The following MCTP1 variants were observed in gnomAD, a reference collection of about 807,000 sequenced individuals.
The protein encoded by MCTP1 is multiple C2 and transmembrane domain-containing protein 1.
Under a neutral mutation model 120.6 loss-of-function variants are expected in MCTP1, and 69 were observed. That is an observed-to-expected ratio of 0.57 (90% CI 0.47 to 0.70). The LOEUF is 0.70. MCTP1 is among the 30% of genes least tolerant of loss of function. The pLI, the probability that MCTP1 is intolerant of heterozygous loss-of-function variation, is 0.00. For missense variants in MCTP1, 1,203 were observed against 1,248.8 expected (o/e 0.96, Z 0.55); for synonymous variants, 529 against 493.1 (o/e 1.07, Z -0.96).
intron 17 of MCTP1, among the ~76,000 whole-genome samples, chr5:94,824,555 T>C (rs1417844048): frequency 6.6e-6 from 1 of 152,216 alleles, no homozygotes; most frequent in Admixed American, 6.5e-5. Context: ...CCTCATAAAA[T>C]GAGTTTGGGA....
At chr5:94,947,542 TGTTA>T (rs1008148147) in intron 3 of MCTP1, among the ~76,000 whole-genome samples, 8 of 109,590 alleles carry the variant, frequency 7.3e-5, no homozygotes, top group African/African-American at 2.8e-4. Context: ...AATATTTTAG[TGTTA>T]GTTTACTAAA....
At chr5:94,952,980 G>A (rs959571586) in intron 3 of MCTP1, among the ~76,000 whole-genome samples, 1 of 152,164 alleles carries the variant, frequency 6.6e-6, no homozygotes, top group African/African-American at 2.4e-5. Flanking sequence ...CCAAGCACAA[G>A]GGATACACTT....
Position 94,888,900 on chromosome 5 carries a change from A to G in MCTP1, c.1912T>C (p.Leu638=). ...TTACCAGTGACGTCGGCAGCCATTA[A>G]CCCTTCCGCTCTGATGACTTTCACC... ...LQVKVIRAEG[L]MAADVTGKSD... is the part of the protein sequence containing the mutation. The change falls in exon 12 of 23, where the codon TTA becomes CTA. Residue 638 remains leucine (L), a synonymous_variant. Coordinates refer to ENST00000515393, the MANE Select transcript of MCTP1 (RefSeq NM_024717.7). The G allele has an allele frequency of 6.2e-7, 1 of 1,613,186 alleles. No individual in the cohort carries two copies. Among genetic ancestry groups the G allele is most frequent in the Non-Finnish European group, 8.5e-7 (1 of 1,179,230 alleles).
intron 1 of MCTP1, among the ~76,000 whole-genome samples, chr5:95,026,700 G>A (rs1319774277): frequency 6.6e-6 from 1 of 152,076 alleles, no homozygotes; most frequent in African/African-American, 2.4e-5. Flanking sequence ...GGCTTCTAGG[G>A]AATTTCCTGG....
intron 19 of MCTP1, among the ~76,000 whole-genome samples, chr5:94,727,456 G>A (rs192476252): frequency 4.9e-4 from 75 of 152,254 alleles, no homozygotes; most frequent in African/African-American, 1.7e-3. Context: ...AAGATGGACT[G>A]TGACTGGAAT....
chr5:94,825,894 A>G (rs56299408), intron 17 of MCTP1: 2 of 156,478 alleles, frequency 1.3e-5, no homozygotes, highest in African/African-American at 2.6e-5. Flanking sequence ...TTTTTTTTTC[A>G]ATTTGAGAGC....
chr5:95,117,390 CAAAAAAAAAAAAA>C (rs34952779), intron 1 of MCTP1, among the ~76,000 whole-genome samples: 2 of 66,106 alleles, frequency 3.0e-5, no homozygotes, highest in African/African-American at 1.3e-4. Context: ...GACTCCGTCT[CAAAAAAAAAAAAA>C]AAAAAAAAAA....
chr5:94,970,902 T>C (rs1826702919), intron 2 of MCTP1, among the ~76,000 whole-genome samples: 1 of 151,916 alleles, frequency 6.6e-6, no homozygotes. Context: ...TTTCCTTGAG[T>C]GTCACCAATA....
At chr5:94,710,134 T>A (rs1026292077) in intron 21 of MCTP1, 1 of 152,072 alleles carries the variant, frequency 6.6e-6, no homozygotes, top group East Asian at 1.9e-4. Context: ...GACTGAAAAT[T>A]GTTTTCCAAA....
At chr5:95,058,322 A>G (rs1264229203) in intron 1 of MCTP1, among the ~76,000 whole-genome samples, 1 of 152,270 alleles carries the variant, frequency 6.6e-6, no homozygotes, top group African/African-American at 2.4e-5. Context: ...TTTAAAACAT[A>G]AAACATTTAA....
Position 94,818,066 on chromosome 5 carries a change from A to G in MCTP1, c.2437-18934T>C, listed in dbSNP as rs370015589. On this transcript the variant is annotated intron_variant, in intron 17 of 22. Transcript: ENST00000515393. ...TGTGGGTCTTTGGGATTACAGCAAA[A>G]AAGAATCTTTTTTCCCCTGAACAAA... Among the ~76,000 whole-genome samples the G allele has an allele frequency of 3.3e-5, 5 of 152,310 alleles. No homozygotes were observed. In the East Asian group the frequency reaches 5.8e-4, roughly 18 times the overall value.
At chr5:94,766,219 C>T (rs762176606) in intron 19 of MCTP1, among the ~76,000 whole-genome samples, 37 of 152,116 alleles carry the variant, frequency 2.4e-4, no homozygotes, top group Admixed American at 3.9e-4. Flanking sequence ...TGCACTCTAG[C>T]GAGGGCGAGA....
At chr5:95,034,669 T>C (rs983305089) in intron 1 of MCTP1, among the ~76,000 whole-genome samples, 2 of 151,648 alleles carry the variant, frequency 1.3e-5, no homozygotes, top group African/African-American at 4.8e-5. Context: ...CTTATGCAAA[T>C]AATTTAAGGT....
chr5:94,734,816 T>C (rs1313320685), intron 19 of MCTP1, among the ~76,000 whole-genome samples: 1 of 152,046 alleles, frequency 6.6e-6, no homozygotes, highest in Non-Finnish European at 1.5e-5. Flanking sequence ...TTTCCATGCT[T>C]TTTTTTCTTA....
intron 17 of MCTP1, 161 bp downstream of exon 17, chr5:94,868,172 T>C (rs1797176103): frequency 1.9e-6 from 1 of 537,344 alleles, no homozygotes; most frequent in South Asian, 5.8e-5. Context: ...CCTTGTACAA[T>C]CCATCAGGTT....
At chr5:94,927,844 T>TA (rs1366840486) in intron 6 of MCTP1, among the ~76,000 whole-genome samples, 2 of 152,146 alleles carry the variant, frequency 1.3e-5, no homozygotes, top group Non-Finnish European at 2.9e-5. Context: ...CCAAAAGTCT[T>TA]ATTAAAAATT....
At chr5:95,100,636 A>T (rs1268803908) in intron 1 of MCTP1, among the ~76,000 whole-genome samples, 1 of 152,192 alleles carries the variant, frequency 6.6e-6, no homozygotes, top group Non-Finnish European at 1.5e-5. Context: ...ATTATCCCTG[A>T]CACTTCTGTT....
intron 1 of MCTP1, among the ~76,000 whole-genome samples, chr5:95,227,566 TATAGGAATC>T (rs1754424752): frequency 6.6e-6 from 1 of 152,176 alleles, no homozygotes; most frequent in Non-Finnish European, 1.5e-5. Flanking sequence ...AAGGCAACTT[TATAGGAATC>T]ATAGGAATCA....
At chr5:94,809,281 T>C (rs1782975636) in intron 17 of MCTP1, among the ~76,000 whole-genome samples, 1 of 152,034 alleles carries the variant, frequency 6.6e-6, no homozygotes, top group African/African-American at 2.4e-5. Context: ...GTTGTACTGA[T>C]AATTTGTGTC....
Sources: gnomAD v4.1 joint callset for allele counts (sites outside exome capture counted in the v4.1 genomes callset) on GRCh38, gnomAD v4.1.1 for gene constraint, MANE v1.5 for transcripts, NCBI Gene and HGNC (gene_info 2026-07-23, HGNC 2026-07-21) for gene names.